Variants in TRA2A observed in about 807,000 individuals in gnomAD.
TRA2A encodes the protein transformer 2 alpha homolog.
In TRA2A, 31 loss-of-function variants were observed where a neutral mutation model predicts 45.7. The ratio of observed to expected loss-of-function variants is 0.68; its 90% CI spans 0.51 to 0.92. TRA2A has a LOEUF of 0.92. TRA2A is among the 40% of genes least tolerant of loss of function. The pLI is 0.00. For missense variants in TRA2A, 304 were observed against 367.5 expected (o/e 0.83, Z 1.41); for synonymous variants, 132 against 126.2 (o/e 1.05, Z -0.31).
intron 3 of TRA2A, among the ~76,000 whole-genome samples, chr7:23,515,223 CTT>C (rs767953060): frequency 0.012 from 1,156 of 96,596 alleles, 3 homozygotes; most frequent in African/African-American, 0.044. Flanking sequence ...GAACATATTT[CTT>C]TTTTTTTTTT....
chr7:23,529,782 G>A (rs908568787), intron 1 of TRA2A, among the ~76,000 whole-genome samples: 2 of 151,882 alleles, frequency 1.3e-5, no homozygotes, highest in African/African-American at 4.8e-5. Context: ...AGGGCCGTAA[G>A]AGGGCCCTTT....
chr7:23,519,980 C>A (rs1375814536), intron 2 of TRA2A, among the ~76,000 whole-genome samples: 2 of 152,176 alleles, frequency 1.3e-5, no homozygotes. Flanking sequence ...GTAATCCCAA[C>A]ACTTTGGGAG....
At chr7:23,505,834 C>T (rs1789309401) in intron 6 of TRA2A, 21 bp from the exon 7 acceptor site, 2 of 1,418,026 alleles carry the variant, frequency 1.4e-6, no homozygotes, top group Non-Finnish European at 9.6e-7. Flanking sequence ...TGAAAGATTA[C>T]TTAGCATACT....
At chr7:23,529,540 C>G (rs1027711457) in intron 1 of TRA2A, among the ~76,000 whole-genome samples, 4 of 152,142 alleles carry the variant, frequency 2.6e-5, no homozygotes, top group Non-Finnish European at 4.4e-5. Flanking sequence ...GGATTACAGG[C>G]GTGAGCCACT....
At chr7:23,530,965 G>C in intron 1 of TRA2A, among the ~76,000 whole-genome samples, 1 of 151,732 alleles carries the variant, frequency 6.6e-6, no homozygotes, top group South Asian at 2.1e-4. Flanking sequence ...TTAGATGAAA[G>C]GTCATAGGAA....
chr7:23,529,130 T>C (rs769157156), intron 1 of TRA2A, among the ~76,000 whole-genome samples: 3 of 152,208 alleles, frequency 2.0e-5, no homozygotes, highest in Non-Finnish European at 2.9e-5. Context: ...TTAACATTTT[T>C]TGAGCTCAAA....
chr7:23,525,695 A>G (rs932513261), intron 1 of TRA2A, among the ~76,000 whole-genome samples: 5 of 152,182 alleles, frequency 3.3e-5, no homozygotes, highest in African/African-American at 9.7e-5. Flanking sequence ...CCTGGGTTCA[A>G]GCAATTCTGC....
chr7:23,512,163 A>G (rs1038604477), intron 4 of TRA2A, among the ~76,000 whole-genome samples: 1 of 152,236 alleles, frequency 6.6e-6, no homozygotes, highest in African/African-American at 2.4e-5. Context: ...AGTCACTCCA[A>G]TTGTTAACAC....
At chr7:23,528,722 C>CA (rs930415332) in intron 1 of TRA2A, among the ~76,000 whole-genome samples, 7 of 150,814 alleles carry the variant, frequency 4.6e-5, no homozygotes, top group African/African-American at 1.5e-4. Flanking sequence ...GGCTGGAGTG[C>CA]AGTGATGCGA....
chr7:23,527,052 T>G (rs1349531081), intron 1 of TRA2A, among the ~76,000 whole-genome samples: 3 of 152,164 alleles, frequency 2.0e-5, no homozygotes, highest in Non-Finnish European at 2.9e-5. Context: ...TTCAAAAAAC[T>G]AATGTATAAG....
intron 1 of TRA2A, among the ~76,000 whole-genome samples, chr7:23,522,756 CACCT>C (rs943329944): frequency 2.6e-5 from 4 of 151,968 alleles, no homozygotes; most frequent in African/African-American, 7.2e-5. Flanking sequence ...AATTTCCCCC[CACCT>C]AAGTGTTAAA....
At chr7:23,528,580 A>T (rs1790436469) in intron 1 of TRA2A, among the ~76,000 whole-genome samples, 1 of 152,056 alleles carries the variant, frequency 6.6e-6, no homozygotes, top group Non-Finnish European at 1.5e-5. Flanking sequence ...CAGATTTCAG[A>T]AAAGGACCCT....
At chr7:23,507,319 G>A (rs991058777) in intron 5 of TRA2A, 101 bp downstream of exon 5, 47 of 918,750 alleles carry the variant, frequency 5.1e-5, no homozygotes, top group Non-Finnish European at 6.9e-5. Flanking sequence ...CCCCTTGCCA[G>A]AATCAATTCT....
rs777556731 is a variant in TRA2A at position 23,505,500 on chromosome 7, TAAAAA to T, written c.*54_*58del. ...CCACAGCTTGGGGAAATCTCAGAATTAAAAAAAAAAAAAAAAAAAAGAGGAAAAAA... is the reference window on the plus strand; with the variant it reads ...CCACAGCTTGGGGAAATCTCAGAATTAAAAAAAAAAAAAAAGAGGAAAAAA... On this transcript the variant is annotated 3_prime_UTR_variant, in exon 8 of 8. Transcript: ENST00000297071. The T allele has an allele frequency of 1.1e-4, 38 of 351,532 alleles. No individual in the cohort carries two copies. The highest frequency in any genetic ancestry group is 1.0e-4 in the Non-Finnish European group (22 of 209,836). The allele number at this position is 351,532 out of a possible 1,614,324, so 21.8% of individuals were successfully genotyped here.
intron 1 of TRA2A, among the ~76,000 whole-genome samples, chr7:23,529,419 C>A (rs1005122635): frequency 5.3e-5 from 8 of 152,144 alleles, no homozygotes; most frequent in Non-Finnish European, 1.2e-4. Context: ...CGCCACCACG[C>A]CCGGCTAATT....
intron 3 of TRA2A, among the ~76,000 whole-genome samples, chr7:23,514,377 G>A (rs1050750809): frequency 1.3e-5 from 2 of 152,000 alleles, no homozygotes; most frequent in Non-Finnish European, 2.9e-5. Context: ...TTGCTTCTAA[G>A]AGAAATTATT....
In TRA2A at chr7:23,520,159, T is replaced by C. The variant is rs542091867; in HGVS notation, c.170+1548A>G. 1.6e-3 allele frequency among the ~76,000 whole-genome samples: 243 copies of C among 152,324 alleles called. 1 individual carries two copies. Among genetic ancestry groups the C allele is most frequent in the Admixed American group, 5.0e-3 (77 of 15,298 alleles). ...TGAACCCGGGAGGTGGAGGTTGCAGTGAGCCAAGATCGTGCCACTGCACTG... is the reference window on the plus strand; with the variant it reads ...TGAACCCGGGAGGTGGAGGTTGCAGCGAGCCAAGATCGTGCCACTGCACTG... On this transcript the variant is annotated intron_variant, in intron 2 of 7. Transcript: ENST00000297071.
intron 1 of TRA2A, among the ~76,000 whole-genome samples, chr7:23,528,452 C>CGCCTCAGCCTCCCAAA (rs1187422172): frequency 1.1e-4 from 17 of 152,128 alleles, no homozygotes; most frequent in African/African-American, 4.1e-4. Flanking sequence ...GTGATCCGCC[C>CGCCTCAGCCTCCCAAA]GCCTCAGCCT....
At chr7:23,527,623 G>C (rs1484441911) in intron 1 of TRA2A, among the ~76,000 whole-genome samples, 1 of 152,188 alleles carries the variant, frequency 6.6e-6, no homozygotes, top group Non-Finnish European at 1.5e-5. Flanking sequence ...TCGTAGGTTA[G>C]AGTTTGGTTG....
Sources: gnomAD v4.1 joint callset for allele counts (sites outside exome capture counted in the v4.1 genomes callset) on GRCh38, gnomAD v4.1.1 for gene constraint, MANE v1.5 for transcripts, NCBI Gene and HGNC (gene_info 2026-07-23, HGNC 2026-07-21) for gene names.